Variants in FARS2 observed in about 807,000 individuals in gnomAD.
FARS2 encodes the protein phenylalanyl-tRNA synthetase 2, mitochondrial, also known as phenylalanine--tRNA ligase, mitochondrial.
Under a neutral mutation model 46.4 loss-of-function variants are expected in FARS2, and 40 were observed. That is an observed-to-expected ratio of 0.86 (90% CI 0.67 to 1.12). The LOEUF is 1.12. Among genes scored for constraint, FARS2 ranks in the 50% most tolerant of loss-of-function variants. The pLI is 0.00. For synonymous variants in FARS2, 234 were observed against 214.9 expected (o/e 1.09, Z -0.78); for missense variants, 513 against 567.9 (o/e 0.90, Z 0.98).
At chr6:5,256,491 GAAAAAAAAAAAAAAAAAA>G (rs1161084364), upstream of FARS2, among the ~76,000 whole-genome samples, 10 of 43,878 alleles carry the variant, frequency 2.3e-4, no homozygotes, top group Non-Finnish European at 1.8e-4. Context: ...ATTTCAACTG[GAAAAAAAAAAAAAAAAAA>G]AAAAAAAAAA....
intron 4 of FARS2, among the ~76,000 whole-genome samples, chr6:5,497,458 T>G (rs1244052548): frequency 6.6e-6 from 1 of 152,204 alleles, no homozygotes; most frequent in African/African-American, 2.4e-5. Flanking sequence ...AAGGACAAAC[T>G]GAACAGCACC....
At chr6:5,566,864 T>G (rs1772352377) in intron 5 of FARS2, among the ~76,000 whole-genome samples, 1 of 152,230 alleles carries the variant, frequency 6.6e-6, no homozygotes, top group Non-Finnish European at 1.5e-5. Flanking sequence ...AATTAGGTTA[T>G]GACTTAACCG....
chr6:5,691,971 G>A (rs896291692), intron 6 of FARS2, among the ~76,000 whole-genome samples: 21 of 152,200 alleles, frequency 1.4e-4, no homozygotes, highest in Admixed American at 5.2e-4. Context: ...CTCCGTGGGC[G>A]TAGGACCCTC....
At chr6:5,553,464 A>G (rs1370869150) in intron 5 of FARS2, among the ~76,000 whole-genome samples, 1 of 152,236 alleles carries the variant, frequency 6.6e-6, no homozygotes, top group African/African-American at 2.4e-5. Flanking sequence ...AGAAAGTTGT[A>G]GCAGAGCCAT....
chr6:5,696,642 G>A (rs553372338), intron 6 of FARS2, among the ~76,000 whole-genome samples: 5 of 152,158 alleles, frequency 3.3e-5, no homozygotes, highest in Admixed American at 2.0e-4. Context: ...GTAAACCTTT[G>A]TGCATAGGAA....
chr6:5,391,632 T>C (rs1038718391), intron 2 of FARS2, among the ~76,000 whole-genome samples: 23 of 152,068 alleles, frequency 1.5e-4, no homozygotes, highest in African/African-American at 5.6e-4. Context: ...CAGTCCTCAA[T>C]ATCTCCTTGA....
chr6:5,468,372 G>GA (rs905135517), intron 4 of FARS2, among the ~76,000 whole-genome samples: 1 of 149,036 alleles, frequency 6.7e-6, no homozygotes, highest in African/African-American at 2.5e-5. Flanking sequence ...AAAAAAGAAA[G>GA]AAAAAAAGTT....
At chr6:5,493,962 A>C (rs530013843) in intron 4 of FARS2, among the ~76,000 whole-genome samples, 55 of 152,300 alleles carry the variant, frequency 3.6e-4, no homozygotes, top group African/African-American at 1.3e-3. Flanking sequence ...GACACAGTGG[A>C]CAGTGTCATG....
rs1561924422 is a variant in FARS2, at chr6:5,274,453, G to T, written c.-22+12793G>T. ...GGAAAGATTTTGTTTTCTATTAAAA[G>T]ATAAGTATTTGCACAAGAGGGCTTA... On this transcript the variant is annotated intron_variant, in intron 1 of 6. Coordinates refer to ENST00000274680, the MANE Select transcript of FARS2 (RefSeq NM_006567.5). Among the ~76,000 whole-genome samples, 3 of 152,288 alleles carry T rather than the reference G, an allele frequency of 2.0e-5. No homozygotes were observed. The South Asian group carries it at 6.2e-4, about 32-fold the overall frequency.
intron 3 of FARS2, among the ~76,000 whole-genome samples, chr6:5,420,191 A>T (rs1762465539): frequency 6.6e-6 from 1 of 152,160 alleles, no homozygotes; most frequent in South Asian, 2.1e-4. Context: ...TACCCCCATG[A>T]TTCAATTACT....
intron 5 of FARS2, among the ~76,000 whole-genome samples, chr6:5,595,311 C>T (rs1489632561): frequency 1.3e-5 from 2 of 152,128 alleles, no homozygotes; most frequent in South Asian, 2.1e-4. Context: ...CCCCTTAATC[C>T]TTTGATGTGT....
intron 4 of FARS2, among the ~76,000 whole-genome samples, chr6:5,529,644 AT>A (rs908470664): frequency 2.6e-5 from 4 of 152,194 alleles, no homozygotes; most frequent in Non-Finnish European, 5.9e-5. Context: ...GTAAATGAAT[AT>A]TAGAGTAAAG....
At chr6:5,377,526 C>CATTATT (rs147771430) in intron 2 of FARS2, among the ~76,000 whole-genome samples, 1 of 151,784 alleles carries the variant, frequency 6.6e-6, no homozygotes, top group African/African-American at 2.4e-5. Flanking sequence ...ATTCTGTCTC[C>CATTATT]ATTATTATTA....
intron 3 of FARS2, among the ~76,000 whole-genome samples, chr6:5,409,256 T>C (rs1274522645): frequency 6.6e-6 from 1 of 152,098 alleles, no homozygotes; most frequent in East Asian, 1.9e-4. Flanking sequence ...CAAGACCTCC[T>C]GTCTAACATG....
At chr6:5,604,121 G>A (rs548642820) in intron 5 of FARS2, among the ~76,000 whole-genome samples, 1 of 152,298 alleles carries the variant, frequency 6.6e-6, no homozygotes, top group South Asian at 2.1e-4. Context: ...AGGATCACAA[G>A]ACTTTATCCT....
At chr6:5,449,674 G>A (rs1303374317) in intron 4 of FARS2, among the ~76,000 whole-genome samples, 3 of 152,130 alleles carry the variant, frequency 2.0e-5, no homozygotes, top group Non-Finnish European at 4.4e-5. Flanking sequence ...GACAAGAAAT[G>A]TTTTAGGTTT....
chr6:5,651,662 C>T lies in FARS2; in HGVS notation c.1217+38342C>T, dbSNP rs959295158. Among the ~76,000 whole-genome samples the T allele has an allele frequency of 5.9e-5, 9 of 152,202 alleles. No homozygotes were observed. The South Asian group carries it at 1.2e-3, about 21-fold the overall frequency. ...GATTAAGTAATTGCAAACCTAATAA[C>T]AACCATTGCCTCTTCTATTTATTGA... On this transcript the variant is annotated intron_variant, in intron 6 of 6. Coordinates refer to ENST00000274680, the MANE Select transcript of FARS2 (RefSeq NM_006567.5).
chr6:5,506,454 C>T (rs1193063944), intron 4 of FARS2, among the ~76,000 whole-genome samples: 2 of 152,160 alleles, frequency 1.3e-5, no homozygotes. Context: ...AAATGGGCAG[C>T]TAGAGAGAGT....
chr6:5,381,363 C>T (rs1759764774), intron 2 of FARS2, among the ~76,000 whole-genome samples: 1 of 127,132 alleles, frequency 7.9e-6, no homozygotes, highest in African/African-American at 2.9e-5. Context: ...TTTGCATACT[C>T]CCCAGAAACA....
Sources: allele counts gnomAD v4.1 joint callset (sites outside exome capture counted in the v4.1 genomes callset), GRCh38; gene constraint gnomAD v4.1.1; transcripts MANE v1.5; gene names NCBI Gene and HGNC (gene_info 2026-07-23, HGNC 2026-07-21).